The following BCL2 variants were observed in gnomAD, a reference collection of about 807,000 sequenced individuals.
BCL2 encodes BCL2 apoptosis regulator.
Under a neutral mutation model 14.2 loss-of-function variants are expected in BCL2, and 1 was observed. That is an observed-to-expected ratio of 0.07 (90% confidence interval 0.02 to 0.33). The LOEUF (loss-of-function observed/expected upper bound fraction) is 0.33, where lower values mean the gene tolerates loss of function less well. Among genes scored for constraint, BCL2 ranks in the 10% least tolerant of loss-of-function variants. The pLI, the probability that BCL2 is intolerant of heterozygous loss-of-function variation, is 0.99. For missense variants in BCL2, 247 were observed against 305.9 expected, an observed-to-expected ratio of 0.81 and a Z score of 1.44; for synonymous variants, 151 against 137.2, an observed-to-expected ratio of 1.10 and a Z score of -0.70.
intron 2 of BCL2, among the ~76,000 whole-genome samples, chr18:63,219,748 G>C (rs541620025): frequency 1.6e-4 from 25 of 152,292 alleles, no homozygotes; most frequent in African/African-American, 6.0e-4. Flanking sequence ...GGGCAAGTGA[G>C]CTCAGGAACA....
rs373886384 is a variant in BCL2 at position 63,213,767 on chromosome 18, C to T, written c.586-85008G>A. 2.9e-4 allele frequency among the ~76,000 whole-genome samples: 44 copies of T among 152,244 alleles called. No homozygotes were observed. The South Asian group carries it at 8.9e-3, about 31-fold the overall frequency. ...TCTGTGGACCATTATCATATAGAGG[C>T]CCTTTGCTTGGTGAGACCCTGACCA... On this transcript the variant is annotated intron_variant, in intron 2 of 2. Transcript: ENST00000333681.
chr18:63,260,753 G>A (rs775179726), intron 2 of BCL2, among the ~76,000 whole-genome samples: 3 of 150,860 alleles, frequency 2.0e-5, no homozygotes, highest in African/African-American at 4.8e-5. Flanking sequence ...GGCAGATAAC[G>A]GGGGTAGATG....
At chr18:63,198,675 CACA>C (rs1324583530) in intron 2 of BCL2, among the ~76,000 whole-genome samples, 1,763 of 139,446 alleles carry the variant, frequency 0.013, 42 homozygotes, top group African/African-American at 0.045. Context: ...GACACAAAGA[CACA>C]ACAGACACAG....
chr18:63,302,009 T>C (rs1352761625), intron 2 of BCL2, among the ~76,000 whole-genome samples: 2 of 152,158 alleles, frequency 1.3e-5, no homozygotes, highest in African/African-American at 4.8e-5. Context: ...TGGACGAATA[T>C]TTTTAAAGTA....
In BCL2 at chr18:63,246,565, G is replaced by A. The variant is rs139722382; in HGVS notation, c.585+71517C>T. 5.1e-3 allele frequency among the ~76,000 whole-genome samples: 771 copies of A among 152,058 alleles called. 9 individuals carry two copies. Among genetic ancestry groups the A allele is most frequent in the African/African-American group, 0.017 (718 of 41,462 alleles). On this transcript the variant is annotated intron_variant, in intron 2 of 2. Coordinates refer to ENST00000333681, the MANE Select transcript of BCL2 (RefSeq NM_000633.3). ...TATCACAACAGCACAGGAAAGACCC[G>A]CCCCCATGATTCAATTACATCCTAC...
chr18:63,304,129 T>C (rs1257550556), intron 2 of BCL2, among the ~76,000 whole-genome samples: 1 of 152,202 alleles, frequency 6.6e-6, no homozygotes, highest in African/African-American at 2.4e-5. Context: ...ATTGCCCTGT[T>C]TTCATTACTT....
chr18:63,278,927 C>T (rs139672991), intron 2 of BCL2, among the ~76,000 whole-genome samples: 24 of 152,050 alleles, frequency 1.6e-4, no homozygotes, highest in East Asian at 1.3e-3. Context: ...AACACTACAG[C>T]GCATTAGAAA....
At chr18:63,132,080 C>T (rs1914083449) in intron 2 of BCL2, among the ~76,000 whole-genome samples, 1 of 152,182 alleles carries the variant, frequency 6.6e-6, no homozygotes, top group South Asian at 2.1e-4. Context: ...AGCTCTTGGC[C>T]CAAAGCCTCA....
At chr18:63,250,916 C>T (rs4987751) in intron 2 of BCL2, among the ~76,000 whole-genome samples, 186 of 152,246 alleles carry the variant, frequency 1.2e-3, no homozygotes, top group African/African-American at 4.2e-3. Context: ...ATGGATACCA[C>T]GGAGTTCCAA....
chr18:63,236,721 G>C (rs941595217), intron 2 of BCL2, among the ~76,000 whole-genome samples: 1 of 127,294 alleles, frequency 7.9e-6, no homozygotes, highest in Non-Finnish European at 1.7e-5. Flanking sequence ...GGAAGGGGCC[G>C]GAGGAAGTGA....
At chr18:63,191,793 C>G (rs1427757321) in intron 2 of BCL2, among the ~76,000 whole-genome samples, 1 of 152,138 alleles carries the variant, frequency 6.6e-6, no homozygotes, top group Non-Finnish European at 1.5e-5. Context: ...GCATTTGAAC[C>G]CCCTCAGGAC....
chr18:63,319,029 G>C, intron 1 of BCL2, 77 bp from the exon 2 acceptor site: 2 of 1,130,692 alleles, frequency 1.8e-6, no homozygotes, highest in Non-Finnish European at 2.2e-6. Context: ...GTGAAAGCAG[G>C]GCATACACAC....
intron 2 of BCL2, among the ~76,000 whole-genome samples, chr18:63,181,224 A>G (rs1171705210): frequency 1.3e-5 from 2 of 152,202 alleles, no homozygotes; most frequent in East Asian, 3.8e-4. Context: ...CTTGTAAATG[A>G]AAGGTGGAAC....
At chr18:63,251,720 C>T (rs1399095386) in intron 2 of BCL2, among the ~76,000 whole-genome samples, 1 of 145,204 alleles carries the variant, frequency 6.9e-6, no homozygotes, top group Non-Finnish European at 1.5e-5. Flanking sequence ...TTTTTTTTGA[C>T]GTAGTTTCTC....
In BCL2 at chr18:63,189,848, CT is replaced by C. The variant is rs140766570; in HGVS notation, c.586-61090del. On this transcript the variant is annotated intron_variant, in intron 2 of 2. Transcript: ENST00000333681. ...GAGGCTTGGTGAGATATTTAAGTGT[CT>C]TTTAAGTCATTAGAAGAGATAAATA... Among the ~76,000 whole-genome samples the C allele has an allele frequency of 9.1e-3, 1,379 of 152,094 alleles. 20 individuals carry two copies. The highest frequency in any genetic ancestry group is 0.031 in the African/African-American group (1,277 of 41,468).
intron 2 of BCL2, among the ~76,000 whole-genome samples, chr18:63,197,271 C>A (rs186177237): frequency 6.6e-6 from 1 of 152,190 alleles, no homozygotes; most frequent in African/African-American, 2.4e-5. Flanking sequence ...ACTGACAAAT[C>A]GTTCACTTTC....
At chr18:63,157,061 T>G (rs1220257119) in intron 2 of BCL2, among the ~76,000 whole-genome samples, 2 of 152,180 alleles carry the variant, frequency 1.3e-5, no homozygotes, top group Non-Finnish European at 2.9e-5. Flanking sequence ...TTTGCACAAA[T>G]AAACAATTAA....
chr18:63,304,311 T>C (rs566792867), intron 2 of BCL2, among the ~76,000 whole-genome samples: 15 of 152,194 alleles, frequency 9.9e-5, no homozygotes, highest in Non-Finnish European at 1.8e-4. Context: ...TAAACAAATA[T>C]TTATAAATAT....
At chr18:63,248,833 C>T (rs559193632) in intron 2 of BCL2, among the ~76,000 whole-genome samples, 53 of 152,320 alleles carry the variant, frequency 3.5e-4, no homozygotes, top group African/African-American at 1.3e-3. Flanking sequence ...CAGGATCTTG[C>T]GAGGTCAGTG....
Sources: allele counts gnomAD v4.1 joint callset (sites outside exome capture counted in the v4.1 genomes callset), GRCh38; gene constraint gnomAD v4.1.1; transcripts MANE v1.5; gene names NCBI Gene and HGNC (gene_info 2026-07-23, HGNC 2026-07-21).